The following PTPN4 variants were observed in gnomAD, a reference collection of about 807,000 sequenced individuals.
PTPN4 encodes protein tyrosine phosphatase non-receptor type 4.
PTPN4 carries 49 observed loss-of-function variants against 135.5 expected under a neutral mutation model. The observed-to-expected ratio is 0.36, with a 90% CI of 0.29 to 0.46. PTPN4 has a LOEUF of 0.46. Among genes scored for constraint, PTPN4 ranks in the 20% least tolerant of loss-of-function variants. The pLI is 1.00. For synonymous variants in PTPN4, 333 were observed against 369.9 expected, an observed-to-expected ratio of 0.90 and a Z score of 1.14; for missense variants, 860 against 1,101.0, an observed-to-expected ratio of 0.78 and a Z score of 3.10.
chr2:119,925,158 GC>G (rs1678802859), intron 12 of PTPN4, among the ~76,000 whole-genome samples: 2 of 152,118 alleles, frequency 1.3e-5, no homozygotes, highest in African/African-American at 4.8e-5. Context: ...TCTACAGGAT[GC>G]TCTTTCTCAC....
At chr2:119,947,311 G>A (rs1679149061) in intron 18 of PTPN4, among the ~76,000 whole-genome samples, 1 of 152,168 alleles carries the variant, frequency 6.6e-6, no homozygotes, top group Non-Finnish European at 1.5e-5. Flanking sequence ...AGGGAGGCCA[G>A]CTATGCTTTT....
At chr2:119,873,439 TTGGCAGATACAAAAA>T (rs1413166017) in intron 3 of PTPN4, among the ~76,000 whole-genome samples, 1 of 152,172 alleles carries the variant, frequency 6.6e-6, no homozygotes, top group Non-Finnish European at 1.5e-5. Context: ...TTACTACGTT[TTGGCAGATACAAAAA>T]TTAACTTTGT....
intron 9 of PTPN4, among the ~76,000 whole-genome samples, chr2:119,897,307 G>T (rs530834142): frequency 6.6e-6 from 1 of 152,172 alleles, no homozygotes; most frequent in East Asian, 1.9e-4. Flanking sequence ...AAGATGTTTT[G>T]CCACAGACAT....
At chr2:119,940,514 G>A (rs1679045442) in intron 15 of PTPN4, among the ~76,000 whole-genome samples, 1 of 152,040 alleles carries the variant, frequency 6.6e-6, no homozygotes, top group African/African-American at 2.4e-5. Context: ...GGGGCATAGT[G>A]GCGCAATTAT....
At chr2:119,818,190 A>G (rs1677016354) in intron 2 of PTPN4, among the ~76,000 whole-genome samples, 2 of 152,180 alleles carry the variant, frequency 1.3e-5, no homozygotes, top group African/African-American at 4.8e-5. Flanking sequence ...TAGAACTTCC[A>G]ATACTATGTT....
At chr2:119,892,282 T>C (rs1380218019) in intron 9 of PTPN4, among the ~76,000 whole-genome samples, 1 of 152,220 alleles carries the variant, frequency 6.6e-6, no homozygotes, top group Non-Finnish European at 1.5e-5. Flanking sequence ...TTCAAAATGT[T>C]CTATATATTG....
At chr2:119,813,259 T>G (rs1053716466) in intron 2 of PTPN4, among the ~76,000 whole-genome samples, 9 of 151,968 alleles carry the variant, frequency 5.9e-5, no homozygotes, top group Non-Finnish European at 8.8e-5. Flanking sequence ...TTTCTTTTTT[T>G]TTTTTGAGAC....
At chr2:119,875,427 C>T (rs3106248) in intron 3 of PTPN4, among the ~76,000 whole-genome samples, 1 of 152,210 alleles carries the variant, frequency 6.6e-6, no homozygotes, top group South Asian at 2.1e-4. Context: ...GGAAGACAAG[C>T]TTTCAATAGA....
At chr2:119,918,649 T>C (rs1307670787) in intron 11 of PTPN4, among the ~76,000 whole-genome samples, 1 of 152,188 alleles carries the variant, frequency 6.6e-6, no homozygotes, top group Non-Finnish European at 1.5e-5. Flanking sequence ...CATATGCTAC[T>C]GGTGGGAGGG....
chr2:119,957,027 C>T lies in PTPN4; in HGVS notation c.2083C>T (p.Arg695Trp), dbSNP rs757638879. 5.0e-6 allele frequency: 8 copies of T among 1,610,354 alleles called. No homozygotes were observed. Among genetic ancestry groups the T allele is most frequent in the South Asian group, 1.1e-5 (1 of 90,326 alleles). Residue 695 changes from arginine (R) to tryptophan (W), a missense_variant, in exon 22 of 27, where the codon CGG (arginine) becomes TGG (tryptophan). Coordinates refer to ENST00000263708, the MANE Select transcript of PTPN4 (RefSeq NM_002830.4). The stretch of plus-strand genomic sequence containing the variant: ...TTAAATTTTTTTAGATGATGCCACA[C>T]GGGTCATTTTAAAAGGTAATGAAGA... ...YRDISPYDAT[R>W]VILKGNEDYI...
At chr2:119,797,261 T>C (rs1180033684) in intron 1 of PTPN4, among the ~76,000 whole-genome samples, 1 of 152,206 alleles carries the variant, frequency 6.6e-6, no homozygotes, top group African/African-American at 2.4e-5. Context: ...CTTTTTACCT[T>C]TGTCAAAGTT....
At chr2:119,918,555 A>G (rs1028869475) in intron 11 of PTPN4, among the ~76,000 whole-genome samples, 1 of 152,206 alleles carries the variant, frequency 6.6e-6, no homozygotes, top group Non-Finnish European at 1.5e-5. Flanking sequence ...TTCAGATTAT[A>G]ACCAAAATGT....
chr2:119,931,174 CTG>C (rs1678900116), intron 13 of PTPN4, among the ~76,000 whole-genome samples: 2 of 151,950 alleles, frequency 1.3e-5, no homozygotes, highest in East Asian at 3.9e-4. Flanking sequence ...AAATATAAAA[CTG>C]TTTACAAGAT....
intron 18 of PTPN4, 100 bp from the exon 19 acceptor site, chr2:119,951,873 G>T: frequency 1.1e-6 from 1 of 928,670 alleles, no homozygotes. Context: ...TCTATATGTA[G>T]TTTAGTTCTC....
At chr2:119,946,447 C>G in intron 17 of PTPN4, 23 bp downstream of exon 17, 1 of 1,591,568 alleles carries the variant, frequency 6.3e-7, no homozygotes, top group Non-Finnish European at 8.6e-7. Flanking sequence ...TTATTTTATA[C>G]TCAGTTTTTA....
chr2:119,877,191 A>ATT, intron 3 of PTPN4, 132 bp from the exon 4 acceptor site: 9 of 848,292 alleles, frequency 1.1e-5, no homozygotes, highest in South Asian at 2.2e-5. Context: ...TAATGCAATG[A>ATT]TTTTTTTCCT....
chr2:119,974,351 G>A (rs112721223), intron 26 of PTPN4, among the ~76,000 whole-genome samples: 3,810 of 152,106 alleles, frequency 0.025, 160 homozygotes, highest in African/African-American at 0.086. Flanking sequence ...AGCTGGGATT[G>A]CAGGCGCCCG....
chr2:119,775,802 GATATCTATATCTATATCTATATCT>G (rs56763862), intron 1 of PTPN4, among the ~76,000 whole-genome samples: 8 of 149,876 alleles, frequency 5.3e-5, no homozygotes, highest in Non-Finnish European at 1.2e-4. Context: ...AGAGATTGTG[GATATCTATATCTATATCTATATCT>G]ATATCTATAT....
intron 2 of PTPN4, among the ~76,000 whole-genome samples, chr2:119,815,100 G>A (rs1364663611): frequency 6.6e-6 from 1 of 152,050 alleles, no homozygotes; most frequent in African/African-American, 2.4e-5. Flanking sequence ...TATTATATTT[G>A]CCATGCATAA....
Sources: gnomAD v4.1 joint callset for allele counts (sites outside exome capture counted in the v4.1 genomes callset) on GRCh38, gnomAD v4.1.1 for gene constraint, MANE v1.5 for transcripts, NCBI Gene and HGNC (gene_info 2026-07-23, HGNC 2026-07-21) for gene names.